Variants in EML1 observed in about 807,000 individuals in gnomAD.
The protein encoded by EML1 is echinoderm microtubule-associated protein-like 1.
Under a neutral mutation model 110.4 loss-of-function variants are expected in EML1, and 27 were observed. The ratio of observed to expected loss-of-function variants is 0.24; its 90% CI spans 0.18 to 0.34. The LOEUF (loss-of-function observed/expected upper bound fraction) is 0.34, where lower values mean the gene tolerates loss of function less well. Ranked by LOEUF, EML1 falls within the 10% of genes least tolerant of loss-of-function variation. The probability of loss-of-function intolerance (pLI) is 1.00; values close to 1 mark genes in which losing one functional copy is unlikely to be tolerated. For synonymous variants in EML1, 344 were observed against 385.8 expected (o/e 0.89, Z 1.27); for missense variants, 741 against 1,030.9 (o/e 0.72, Z 3.85).
At chr14:99,777,346 C>T (rs1320816246) in intron 1 of EML1, among the ~76,000 whole-genome samples, 2 of 152,182 alleles carry the variant, frequency 1.3e-5, no homozygotes, top group African/African-American at 2.4e-5. Context: ...TCCTACCTCC[C>T]GGAAGCAGTT....
intron 1 of EML1, among the ~76,000 whole-genome samples, chr14:99,799,662 C>G (rs1382931699): frequency 6.6e-6 from 1 of 152,182 alleles, no homozygotes; most frequent in Admixed American, 6.5e-5. Context: ...ATAAACAAAC[C>G]CACGCATTTT....
intron 17 of EML1, among the ~76,000 whole-genome samples, chr14:99,930,848 G>A (rs1199891397): frequency 6.6e-6 from 1 of 152,204 alleles, no homozygotes; most frequent in Non-Finnish European, 1.5e-5. Context: ...TGAACCTAGG[G>A]TAAAAATCTG....
chr14:99,885,850 A>G (rs1255889615), intron 4 of EML1: 3 of 455,314 alleles, frequency 6.6e-6, no homozygotes, highest in African/African-American at 4.0e-5. Context: ...TGTTCCTCAC[A>G]GTGGTTGTAT....
rs1457941391 is a variant in EML1 at position 99,937,890 on chromosome 14, C to T, written c.2169C>T (p.Cys723=). Residue 723 remains cysteine (C), a synonymous_variant, in exon 20 of 22, where the codon TGC becomes TGT. Coordinates refer to ENST00000262233, the MANE Select transcript of EML1 (RefSeq NM_004434.3). ...TRDIEWATYT[C]TLGFHVFGVW... is the part of the protein sequence containing the mutation. ...ACATTGAATGGGCTACCTATACCTG[C>T]ACTTTGGGATTCCATGTTTTTGGTA... 3.7e-6 allele frequency: 6 copies of T among 1,614,108 alleles called. No individual in the cohort carries two copies. The highest frequency in any genetic ancestry group is 5.1e-6 in the Non-Finnish European group (6 of 1,179,952).
In EML1 at chr14:99,831,786, G is replaced by A. The variant is rs576933333; in HGVS notation, c.68-19067G>A. On this transcript the variant is annotated intron_variant, in intron 1 of 21. Coordinates refer to ENST00000262233, the MANE Select transcript of EML1 (RefSeq NM_004434.3). ...ATGATATCTTCCAGCAGTTGAGTAG[G>A]TTTGCTGAAATCATTAACAAATATA... is the stretch of plus-strand genomic sequence containing the variant. Among the ~76,000 whole-genome samples the A allele has an allele frequency of 9.3e-5, 14 of 150,786 alleles. No homozygotes were observed. In the East Asian group the frequency reaches 2.5e-3, roughly 27 times the overall value.
In EML1 at chr14:99,900,820, T is replaced by C. The variant is rs1292061086; in HGVS notation, c.898-109T>C. On this transcript the variant is annotated intron_variant, in intron 8 of 21. Coordinates refer to ENST00000262233, the MANE Select transcript of EML1 (RefSeq NM_004434.3). Reference sequence around the variant, plus strand: ...CTCCTGAAATGCAGAAAAAGATCTTTTGTTTTGACAAAGTCCGAGTTACTG... The same window carrying C: ...CTCCTGAAATGCAGAAAAAGATCTTCTGTTTTGACAAAGTCCGAGTTACTG... 3 of 886,246 alleles carry C rather than the reference T, an allele frequency of 3.4e-6. No individual in the cohort carries two copies. In the African/African-American group the frequency reaches 5.1e-5, roughly 15 times the overall value. 54.9% of individuals were successfully genotyped at this position (886,246 alleles called of 1,614,324 possible). A position where few individuals can be genotyped will look rare whatever the true frequency, so the allele number is the denominator to read the frequency against.
chr14:99,761,856 C>T (rs1302572558), intron 1 of EML1, among the ~76,000 whole-genome samples: 3 of 147,466 alleles, frequency 2.0e-5, no homozygotes, highest in East Asian at 2.0e-4. Context: ...ACCTGGGAGG[C>T]GGAGGTTGCA....
chr14:99,764,049 G>T (rs2057342615), intron 1 of EML1, among the ~76,000 whole-genome samples: 1 of 152,206 alleles, frequency 6.6e-6, no homozygotes, highest in South Asian at 2.1e-4. Flanking sequence ...GAGACAGTTG[G>T]CTGCAGGCTG....
intron 17 of EML1, among the ~76,000 whole-genome samples, chr14:99,925,767 G>A (rs1189800624): frequency 1.3e-5 from 2 of 152,150 alleles, no homozygotes; most frequent in African/African-American, 2.4e-5. Flanking sequence ...TGGCCGGAAG[G>A]GTGTCTGAAT....
intron 1 of EML1, among the ~76,000 whole-genome samples, chr14:99,753,267 G>T (rs1020067821): frequency 6.9e-6 from 1 of 145,750 alleles, no homozygotes; most frequent in African/African-American, 2.5e-5. Context: ...TCTCCACCCA[G>T]TGGCCATGGT....
intron 1 of EML1, among the ~76,000 whole-genome samples, chr14:99,811,349 A>C (rs984997043): frequency 6.8e-6 from 1 of 147,738 alleles, no homozygotes; most frequent in Non-Finnish European, 1.5e-5. Context: ...CCTTGTGTTG[A>C]GTGTAACATT....
intron 17 of EML1, among the ~76,000 whole-genome samples, chr14:99,929,780 C>T (rs981015991): frequency 6.6e-6 from 1 of 152,182 alleles, no homozygotes; most frequent in Admixed American, 6.5e-5. Context: ...AAACCTGCTG[C>T]CAAGATCCCG....
intron 3 of EML1, chr14:99,875,064 T>G: frequency 7.1e-7 from 1 of 1,416,792 alleles, no homozygotes; most frequent in East Asian, 2.3e-5. Flanking sequence ...ACGTAGTAGC[T>G]TCAAGGTCTT....
chr14:99,756,616 C>T (rs1021028463), intron 1 of EML1, among the ~76,000 whole-genome samples: 1 of 152,208 alleles, frequency 6.6e-6, no homozygotes, highest in Non-Finnish European at 1.5e-5. Context: ...CAATTTCTAG[C>T]ACCTAAAACC....
At chr14:99,854,568 G>A (rs144932389) in intron 2 of EML1, among the ~76,000 whole-genome samples, 148 of 152,212 alleles carry the variant, frequency 9.7e-4, no homozygotes, top group Non-Finnish European at 1.7e-3. Flanking sequence ...TACTGCTCTG[G>A]GTCTTAGGAT....
rs1188168961 is a variant in EML1 at position 99,865,644 on chromosome 14, A to C, written c.381A>C (p.Lys127Asn). 1 of 1,613,882 alleles carries C rather than the reference A, an allele frequency of 6.2e-7. No homozygotes were observed. Among genetic ancestry groups the C allele is most frequent in the South Asian group, 1.1e-5 (1 of 91,046 alleles). The change falls in exon 3 of 22, where the codon AAA (lysine) becomes AAC (asparagine). Residue 127 changes from lysine (K) to asparagine (N), a missense_variant and splice_region_variant. By Grantham distance (94) the Lys-to-Asn change is moderately conservative. Coordinates refer to ENST00000262233, the MANE Select transcript of EML1 (RefSeq NM_004434.3). ...VRKETAVPATKSNIKRTSSSE... is the reference protein window; with the variant it reads ...VRKETAVPATNSNIKRTSSSE... ...AAGAAACTGCTGTGCCAGCAACCAA[A>C]AGGTGAGCCAGAAGCAGGGCCTTAA...
At chr14:99,937,737 A>G (rs2140138471) in intron 19 of EML1, 80 bp from the exon 20 acceptor site, 1 of 1,335,360 alleles carries the variant, frequency 7.5e-7, no homozygotes, top group Non-Finnish European at 1.1e-6. Flanking sequence ...CCAACGGGGC[A>G]CAGCTCTGGG....
At chr14:99,902,055 T>A (rs868799479) in intron 9 of EML1, among the ~76,000 whole-genome samples, 4 of 152,144 alleles carry the variant, frequency 2.6e-5, no homozygotes, top group Non-Finnish European at 5.9e-5. Flanking sequence ...TAGGGTCTCT[T>A]GTATTTGGGG....
intron 3 of EML1, among the ~76,000 whole-genome samples, chr14:99,877,115 G>A (rs78400180): frequency 0.27 from 40,533 of 151,940 alleles, 5,944 homozygotes; most frequent in Non-Finnish European, 0.33. Flanking sequence ...CTGGGAGTCC[G>A]AGACCAGGGG....
Sources: allele counts gnomAD v4.1 joint callset (sites outside exome capture counted in the v4.1 genomes callset), GRCh38; gene constraint gnomAD v4.1.1; transcripts MANE v1.5; gene names NCBI Gene and HGNC (gene_info 2026-07-23, HGNC 2026-07-21).